ING5: variants seen among roughly 807,000 people sequenced by gnomAD.
ING5 encodes the protein inhibitor of growth family member 5, also known as inhibitor of growth protein 5.
ING5 carries 17 observed loss-of-function variants against 37.4 expected under a neutral mutation model. That is an observed-to-expected ratio of 0.45 (90% CI 0.31 to 0.68). The LOEUF is 0.68. Ranked by LOEUF, ING5 falls within the 30% of genes least tolerant of loss-of-function variation. ING5 has a pLI of 0.05. For missense variants in ING5, 233 were observed against 311.9 expected, an observed-to-expected ratio of 0.75 and a Z score of 1.91; for synonymous variants, 123 against 116.6, an observed-to-expected ratio of 1.06 and a Z score of -0.36.
intron 2 of ING5, among the ~76,000 whole-genome samples, chr2:241,695,537 TTAGC>T (rs1395408031): frequency 3.9e-5 from 6 of 152,082 alleles, no homozygotes; most frequent in Non-Finnish European, 8.8e-5. Context: ...AATACAAAAA[TTAGC>T]TAGGCATGAT....
At chr2:241,699,132 C>A (rs2069676937), upstream of ING5, among the ~76,000 whole-genome samples, 1 of 151,794 alleles carries the variant, frequency 6.6e-6, no homozygotes, top group African/African-American at 2.4e-5. Context: ...TCAAATGATT[C>A]TCCTGCCTCA....
intron 7 of ING5, chr2:241,723,743 C>A (rs1282142614): frequency 4.9e-5 from 79 of 1,597,212 alleles, no homozygotes; most frequent in Non-Finnish European, 6.2e-5. Context: ...TCTACCTGAC[C>A]CTTGCATCCC....
At chr2:241,687,909 C>T (rs1333491832) in exon 1 of ING5, 1 of 152,220 alleles carries the variant, frequency 6.6e-6, no homozygotes, top group African/African-American at 2.4e-5. Flanking sequence ...ATGCCTCCAA[C>T]TCCTCTGAAA....
chr2:241,721,271 C>A, intron 5 of ING5: 1 of 985,478 alleles, frequency 1.0e-6, no homozygotes, highest in Non-Finnish European at 1.2e-6. Context: ...AGAGGAGAGA[C>A]CCGAAGACTA....
chr2:241,725,697 G>A lies in ING5; in HGVS notation c.*666G>A, dbSNP rs1221588192. 9.8e-5 allele frequency: 15 copies of A among 152,664 alleles called. No individual in the cohort carries two copies. The highest frequency in any genetic ancestry group is 2.9e-5 in the Non-Finnish European group (2 of 68,052). 9.5% of individuals were successfully genotyped at this position (152,664 alleles called of 1,614,324 possible). ...GTAAACGGCTCTTCATTAGCTTGGAGTGGCCGCAGGTCCCGTGACCAGCAC... is the reference window on the plus strand; with the variant it reads ...GTAAACGGCTCTTCATTAGCTTGGAATGGCCGCAGGTCCCGTGACCAGCAC... On this transcript the variant is annotated 3_prime_UTR_variant, in exon 8 of 8. Coordinates refer to ENST00000313552, the MANE Select transcript of ING5 (RefSeq NM_032329.6).
chr2:241,710,202 G>A (rs1471055431), intron 3 of ING5, among the ~76,000 whole-genome samples: 1 of 152,088 alleles, frequency 6.6e-6, no homozygotes, highest in Non-Finnish European at 1.5e-5. Flanking sequence ...TGCCTCGCAG[G>A]TTCAAGCAAT....
intron 5 of ING5, among the ~76,000 whole-genome samples, chr2:241,716,175 A>G (rs1384447934): frequency 1.3e-5 from 2 of 149,798 alleles, no homozygotes; most frequent in East Asian, 2.0e-4. Flanking sequence ...CCATCTTGCT[A>G]TTAGTTTTCT....
chr2:241,715,606 C>T (rs964969003), intron 5 of ING5, among the ~76,000 whole-genome samples: 15 of 151,200 alleles, frequency 9.9e-5, no homozygotes, highest in Non-Finnish European at 1.9e-4. Flanking sequence ...CCTCAGCCTC[C>T]TGGGTAGCTG....
At chr2:241,703,939 C>G (rs574585593) in intron 1 of ING5, among the ~76,000 whole-genome samples, 7 of 152,240 alleles carry the variant, frequency 4.6e-5, no homozygotes, top group African/African-American at 1.7e-4. Flanking sequence ...TGCATAAAGT[C>G]GCGTGGGCAG....
In ING5 at chr2:241,687,109, G is replaced by C. The variant is rs1332199271; in HGVS notation, c.-1727G>C. ...CGGCGCGGGCTGGACGGCCGGAGAC[G>C]CGGGGTCAGGGCGCGGACGAGGGGA... On this transcript the variant is annotated 5_prime_UTR_variant, in exon 1 of 8. Transcript: ENST00000636051. The C allele has an allele frequency of 2.1e-5, 8 of 388,174 alleles. No individual in the cohort carries two copies. In the Admixed American group the frequency reaches 3.1e-4, roughly 15 times the overall value. The allele number at this position is 388,174 out of a possible 1,614,324, so 24.0% of individuals were successfully genotyped here.
intron 5 of ING5, 188 bp from the exon 6 acceptor site, chr2:241,722,751 G>GA: frequency 1.0e-6 from 1 of 985,408 alleles, no homozygotes; most frequent in African/African-American, 1.7e-5. Flanking sequence ...AGGACAATGG[G>GA]AAAAATGGAA....
chr2:241,701,874 G>A (rs1002145936), upstream of ING5, among the ~76,000 whole-genome samples: 3 of 151,424 alleles, frequency 2.0e-5, no homozygotes, highest in Admixed American at 6.6e-5. Context: ...GCCCGACGCC[G>A]CTGCCACAAC....
chr2:241,708,698 G>T (rs998792422), intron 2 of ING5, among the ~76,000 whole-genome samples: 4 of 152,128 alleles, frequency 2.6e-5, no homozygotes, highest in Non-Finnish European at 4.4e-5. Context: ...GCACTCTGTT[G>T]TCTGAAGGGA....
chr2:241,722,394 C>G, intron 5 of ING5: 2 of 985,318 alleles, frequency 2.0e-6, no homozygotes, highest in South Asian at 4.7e-5. Flanking sequence ...CAGAGTGGGA[C>G]CAGAACCCCG....
chr2:241,701,857 G>A (rs1244044148), upstream of ING5, among the ~76,000 whole-genome samples: 1 of 151,746 alleles, frequency 6.6e-6, no homozygotes, highest in Non-Finnish European at 1.5e-5. Context: ...CCTGGGTCCT[G>A]CTCGCTGCCC....
exon 1 of ING5, chr2:241,687,372 T>C (rs1200461683): frequency 7.5e-6 from 3 of 398,728 alleles, no homozygotes; most frequent in Non-Finnish European, 1.3e-5. Context: ...ACGACTGCGT[T>C]CTGGAAACGC....
chr2:241,713,704 T>G lies in ING5; in HGVS notation c.482+1633T>G, dbSNP rs570138336. ...CAGTTTTTTAGCTAGTGCTTAGCCT[T>G]TTGGCCGGGCGAGGTGGCTCATGCC... is the stretch of plus-strand genomic sequence containing the variant. On this transcript the variant is annotated intron_variant, in intron 5 of 7. Transcript: ENST00000313552. Among the ~76,000 whole-genome samples the G allele has an allele frequency of 2.3e-4, 35 of 151,046 alleles. 2 individuals are homozygous for G. In the South Asian group the frequency reaches 7.1e-3, roughly 31 times the overall value.
intron 2 of ING5, 181 bp from the exon 3 acceptor site, chr2:241,709,035 G>A (rs528304264): frequency 8.5e-6 from 5 of 587,200 alleles, no homozygotes; most frequent in African/African-American, 7.5e-5. Flanking sequence ...ACATTCACAC[G>A]ATCCCAGACT....
rs367578919 is a variant in ING5 at position 241,723,112 on chromosome 2, G to T, written c.618+38G>T. ...TGCAGGATTCGCGCCATGGGGCGGG[G>T]TCTTGTGTGGGGCAGGGCTGGCGGA... is the stretch of plus-strand genomic sequence containing the variant. On this transcript the variant is annotated intron_variant, in intron 6 of 7. Coordinates refer to ENST00000313552, the MANE Select transcript of ING5 (RefSeq NM_032329.6). The T allele has an allele frequency of 1.1e-5, 18 of 1,614,062 alleles. No homozygotes were observed. The South Asian group carries it at 1.2e-4, about 11-fold the overall frequency.
Sources: gnomAD v4.1 joint callset for allele counts (sites outside exome capture counted in the v4.1 genomes callset) on GRCh38, gnomAD v4.1.1 for gene constraint, MANE v1.5 for transcripts, NCBI Gene and HGNC (gene_info 2026-07-23, HGNC 2026-07-21) for gene names.